The following RARS2 variants were observed in gnomAD, a reference collection of about 807,000 sequenced individuals.
The protein encoded by RARS2 is probable arginine--tRNA ligase, mitochondrial.
Under a neutral mutation model 88.5 loss-of-function variants are expected in RARS2, and 67 were observed. That is an observed-to-expected ratio of 0.76 (90% confidence interval 0.62 to 0.93). The LOEUF is 0.93. Among genes scored for constraint, RARS2 ranks in the 40% least tolerant of loss-of-function variants. The probability of loss-of-function intolerance (pLI) is 0.00; values close to 1 mark genes in which losing one functional copy is unlikely to be tolerated. For missense variants in RARS2, 664 were observed against 684.2 expected (o/e 0.97, Z 0.33); for synonymous variants, 239 against 230.3 (o/e 1.04, Z -0.34).
At chr6:87,541,050 C>T (rs141032584) in intron 8 of RARS2, among the ~76,000 whole-genome samples, 48 of 143,558 alleles carry the variant, frequency 3.3e-4, no homozygotes, top group African/African-American at 1.2e-3. Context: ...ATTTCTGTGT[C>T]GAATAATTAT....
rs1038691018 is a variant in RARS2 at position 87,552,766 on chromosome 6, A to T, written c.395+2642T>A. ...AAAGATGGTGAAGCTGAAAAAAAAA[A>T]TGCAAAAGAAGGTAAGTAATGGTGG... On this transcript the variant is annotated intron_variant, in intron 5 of 19. Transcript: ENST00000369536. Among the ~76,000 whole-genome samples, 3 of 152,170 alleles carry T rather than the reference A, an allele frequency of 2.0e-5. No homozygotes were observed. In the South Asian group the frequency reaches 6.2e-4, roughly 31 times the overall value.
At chr6:87,580,964 G>C (rs926561888) in intron 1 of RARS2, among the ~76,000 whole-genome samples, 1 of 152,080 alleles carries the variant, frequency 6.6e-6, no homozygotes, top group African/African-American at 2.4e-5. Context: ...TAGTATCAGA[G>C]ATTCTAATAT....
chr6:87,545,522 T>A, intron 7 of RARS2, 94 bp downstream of exon 7: 1 of 1,485,612 alleles, frequency 6.7e-7, no homozygotes, highest in Non-Finnish European at 9.2e-7. Context: ...TACTACTTCA[T>A]CCAATGGGAT....
At chr6:87,528,153 G>A (rs1306879064) in intron 10 of RARS2, among the ~76,000 whole-genome samples, 2 of 148,138 alleles carry the variant, frequency 1.4e-5, no homozygotes, top group Admixed American at 6.8e-5. Context: ...AAAAGGTGCT[G>A]AACATCACTA....
At chr6:87,545,742 AT>A in intron 6 of RARS2, 43 bp from the exon 7 acceptor site, 3 of 1,595,646 alleles carry the variant, frequency 1.9e-6, no homozygotes, top group Non-Finnish European at 8.6e-7. Context: ...CTTGTTATCC[AT>A]TTTTTGACAT....
At chr6:87,564,073 C>CT in intron 3 of RARS2, 57 bp downstream of exon 3, 2 of 1,377,198 alleles carry the variant, frequency 1.5e-6, no homozygotes, top group African/African-American at 1.4e-5. Context: ...CTGCAAAGTA[C>CT]TTTTTTTAAT....
chr6:87,520,476 A>G (rs547584682), intron 12 of RARS2, among the ~76,000 whole-genome samples: 5 of 152,200 alleles, frequency 3.3e-5, no homozygotes, highest in Non-Finnish European at 7.3e-5. Flanking sequence ...CCGAGTCAGT[A>G]GGAAATGTGA....
intron 1 of RARS2, among the ~76,000 whole-genome samples, chr6:87,574,031 T>C (rs1269944634): frequency 1.3e-5 from 2 of 152,216 alleles, no homozygotes; most frequent in Non-Finnish European, 2.9e-5. Flanking sequence ...AAAAACAAAT[T>C]GAATAAATTC....
intron 1 of RARS2, among the ~76,000 whole-genome samples, chr6:87,584,365 C>G (rs183522499): frequency 6.6e-6 from 1 of 152,286 alleles, no homozygotes; most frequent in East Asian, 1.9e-4. Flanking sequence ...ATCACAGACC[C>G]TTTGCAACTC....
chr6:87,562,397 T>C (rs1032020736), intron 4 of RARS2, among the ~76,000 whole-genome samples: 1 of 152,240 alleles, frequency 6.6e-6, no homozygotes, highest in African/African-American at 2.4e-5. Flanking sequence ...AGTAAAAATA[T>C]GGTATTGTCT....
chr6:87,570,495 T>C (rs1245875539), intron 1 of RARS2, among the ~76,000 whole-genome samples: 2 of 152,142 alleles, frequency 1.3e-5, no homozygotes, highest in Non-Finnish European at 2.9e-5. Context: ...CTCGGCTCAC[T>C]GCGGCCTCCA....
intron 1 of RARS2, among the ~76,000 whole-genome samples, chr6:87,575,477 A>C (rs1771195792): frequency 6.6e-6 from 1 of 152,174 alleles, no homozygotes; most frequent in African/African-American, 2.4e-5. Context: ...CATAGTGTCT[A>C]CCAGAATTGT....
chr6:87,526,272 T>C (rs993798823), intron 10 of RARS2, among the ~76,000 whole-genome samples: 29 of 152,240 alleles, frequency 1.9e-4, no homozygotes, highest in Non-Finnish European at 4.0e-4. Flanking sequence ...TCCCAGCACT[T>C]TGGGGGGCCA....
chr6:87,537,915 G>A (rs956462438), intron 8 of RARS2, among the ~76,000 whole-genome samples: 5 of 152,054 alleles, frequency 3.3e-5, no homozygotes, highest in African/African-American at 9.7e-5. Flanking sequence ...TACCACCTAC[G>A]CTATTTGTGA....
chr6:87,548,720 A>G, intron 5 of RARS2, 74 bp from the exon 6 acceptor site: 4 of 1,380,718 alleles, frequency 2.9e-6, no homozygotes, highest in Non-Finnish European at 3.0e-6. Context: ...TCATGCCTCC[A>G]TACTTTGACA....
At chr6:87,555,985 T>C (rs79824108) in intron 4 of RARS2, among the ~76,000 whole-genome samples, 7 of 152,166 alleles carry the variant, frequency 4.6e-5, no homozygotes, top group African/African-American at 1.4e-4. Flanking sequence ...AGAAAAGTAC[T>C]GAGGGATTAA....
chr6:87,543,079 A>G (rs1208068071), intron 7 of RARS2, among the ~76,000 whole-genome samples: 5 of 152,262 alleles, frequency 3.3e-5, no homozygotes, highest in Middle Eastern at 3.4e-3. Context: ...AGGTGGGTGG[A>G]TCACCTGAGG....
chr6:87,540,460 A>C (rs930699329), intron 8 of RARS2, among the ~76,000 whole-genome samples: 6 of 151,922 alleles, frequency 3.9e-5, no homozygotes, highest in South Asian at 2.1e-4. Flanking sequence ...AAAAAAAAAA[A>C]AAAAAAAAAA....
chr6:87,541,946 T>C lies in RARS2; in HGVS notation c.584A>G (p.Gln195Arg), dbSNP rs781756436. The C allele has an allele frequency of 6.2e-7, 1 of 1,613,720 alleles. No homozygotes were observed. The highest frequency in any genetic ancestry group is 8.5e-7 in the Non-Finnish European group (1 of 1,179,680). ...AAAGAGATGCTGTAGAGGATTGGACTGCAGTTTTTCCTCATAGCCAAACAG... is the reference window on the plus strand; with the variant it reads ...AAAGAGATGCTGTAGAGGATTGGACCGCAGTTTTTCCTCATAGCCAAACAG... ...FQLFGYEEKL[Q>R]SNPLQHLFEV... Residue 195 changes from glutamine (Q) to arginine (R), a missense_variant, in exon 8 of 20, where the codon CAG becomes CGG. By Grantham distance (43) the Gln-to-Arg change is conservative. Coordinates refer to ENST00000369536, the MANE Select transcript of RARS2 (RefSeq NM_020320.5).
Sources: gnomAD v4.1 joint callset for allele counts (sites outside exome capture counted in the v4.1 genomes callset) on GRCh38, gnomAD v4.1.1 for gene constraint, MANE v1.5 for transcripts, NCBI Gene and HGNC (gene_info 2026-07-23, HGNC 2026-07-21) for gene names.